Variants in SULT1A1 observed in about 807,000 individuals in gnomAD.
The protein encoded by SULT1A1 is sulfotransferase 1A1.
A neutral mutation model predicts 36.8 loss-of-function variants in SULT1A1; 35 were observed. The observed-to-expected ratio is 0.95, with a 90% CI of 0.73 to 1.26. The LOEUF (loss-of-function observed/expected upper bound fraction) is 1.26, where lower values mean the gene tolerates loss of function less well. Ranked by LOEUF, SULT1A1 falls within the 50% of genes most tolerant of loss-of-function variation. SULT1A1 has a pLI of 0.00. For missense variants in SULT1A1, 309 were observed against 383.0 expected (o/e 0.81, Z 1.61); for synonymous variants, 119 against 146.0 (o/e 0.82, Z 1.33).
chr16:28,617,722 A>C (rs568216079), intron 2 of SULT1A1, among the ~76,000 whole-genome samples: 161 of 151,962 alleles, frequency 1.1e-3, no homozygotes, highest in African/African-American at 3.6e-3. Context: ...TTGTATTTTT[A>C]GTAGTGACGG....
intron 1 of SULT1A1, 92 bp downstream of exon 1, chr16:28,609,839 G>T: frequency 8.5e-7 from 1 of 1,174,420 alleles, no homozygotes; most frequent in Non-Finnish European, 1.1e-6. Context: ...TGGGGAAAGG[G>T]CAGGGATGCC....
intron 2 of SULT1A1, among the ~76,000 whole-genome samples, chr16:28,618,363 T>G (rs1016216441): frequency 4.8e-5 from 7 of 145,022 alleles, no homozygotes; most frequent in African/African-American, 1.8e-4. Flanking sequence ...TTTTTTTTTT[T>G]GAGACAGAGT....
intron 1 of SULT1A1, chr16:28,620,194 A>T: frequency 2.0e-6 from 3 of 1,520,670 alleles, no homozygotes; most frequent in South Asian, 2.3e-5. Flanking sequence ...ATAACAGTTC[A>T]TGTTTAAGTT....
Position 28,605,643 on chromosome 16 carries a change from T to A in SULT1A1, c.*178A>T, listed in dbSNP as rs2047143817. 1 of 991,792 alleles carries A rather than the reference T, an allele frequency of 1.0e-6. No homozygotes were observed. The allele number at this position is 991,792 out of a possible 1,614,324, so 61.4% of individuals were successfully genotyped here. On this transcript the variant is annotated 3_prime_UTR_variant, in exon 8 of 8. Transcript: ENST00000314752. ...TTATTTTTTTAACAGAATCTCACTA[T>A]GTTGCCCAGGTTGGTCTCGAACTCC... is the stretch of plus-strand genomic sequence containing the variant.
intron 1 of SULT1A1, among the ~76,000 whole-genome samples, chr16:28,621,729 G>A (rs1400000436): frequency 6.6e-6 from 1 of 151,946 alleles, no homozygotes; most frequent in African/African-American, 2.4e-5. Flanking sequence ...CTGTTCTCCT[G>A]ACCCACTGAC....
chr16:28,620,345 G>A (rs1756165966), intron 1 of SULT1A1, among the ~76,000 whole-genome samples: 1 of 151,510 alleles, frequency 6.6e-6, no homozygotes, highest in Non-Finnish European at 1.5e-5. Context: ...CAGGCAGATT[G>A]CTTGAGTCCA....
intron 1 of SULT1A1, 179 bp from the exon 2 acceptor site, chr16:28,609,038 G>C (rs564857166): frequency 1.0e-5 from 15 of 1,493,562 alleles, no homozygotes; most frequent in East Asian, 2.4e-5. Context: ...CTAATGCGGT[G>C]GTTCCCCAGC....
chr16:28,608,505 C>T lies in SULT1A1; in HGVS notation c.247G>A (p.Glu83Lys), dbSNP rs769477560. 18 of 1,612,360 alleles carry T rather than the reference C, an allele frequency of 1.1e-5. No homozygotes were observed. The highest frequency in any genetic ancestry group is 3.3e-4 in the Middle Eastern group (2 of 6,072). ...GAGGGAATCCCTGGGGCTTTGAACT[C>T]AAGGAAGGGCACCCGCATGAAGATG... Reference protein sequence around the residue: ...APIFMRVPFLEFKAPGIPSGM... With the variant: ...APIFMRVPFLKFKAPGIPSGM... Residue 83 changes from glutamate to lysine, a missense_variant, in exon 3 of 8, where the codon GAG becomes AAG. Coordinates refer to ENST00000314752, the MANE Select transcript of SULT1A1 (RefSeq NM_001055.4).
intron 2 of SULT1A1, among the ~76,000 whole-genome samples, chr16:28,616,189 C>G (rs538817045): frequency 6.6e-6 from 1 of 152,292 alleles, no homozygotes; most frequent in South Asian, 2.1e-4. Context: ...CTGGTTTTTC[C>G]TAGGCTATGA....
chr16:28,619,893 G>A (rs2047616621), intron 2 of SULT1A1, among the ~76,000 whole-genome samples: 1 of 151,318 alleles, frequency 6.6e-6, no homozygotes, highest in South Asian at 2.1e-4. Flanking sequence ...TATGTACACA[G>A]AAAGTATATA....
chr16:28,609,493 G>A, intron 1 of SULT1A1: 1 of 1,055,836 alleles, frequency 9.5e-7, no homozygotes, highest in South Asian at 1.3e-5. Context: ...CCTAGGCAGG[G>A]TGGCTCCCAC....
At chr16:28,609,733 G>A in intron 1 of SULT1A1, 198 bp downstream of exon 1, 1 of 591,558 alleles carries the variant, frequency 1.7e-6, no homozygotes. Flanking sequence ...CAGCCTGGGT[G>A]ACAGCAAGAC....
At chr16:28,610,520 A>C (rs1313920100), upstream of SULT1A1, 4 of 306,492 alleles carry the variant, frequency 1.3e-5, no homozygotes, top group Non-Finnish European at 2.5e-5. Context: ...CATGCACTCC[A>C]GGCTCTGACC....
intron 1 of SULT1A1, among the ~76,000 whole-genome samples, chr16:28,622,765 G>A (rs960524094): frequency 1.3e-5 from 2 of 152,056 alleles, no homozygotes; most frequent in African/African-American, 2.4e-5. Flanking sequence ...ATTTTCCCGT[G>A]GGCCTTTTTC....
chr16:28,619,158 A>G (rs1288412545), intron 2 of SULT1A1, among the ~76,000 whole-genome samples: 2 of 151,980 alleles, frequency 1.3e-5, no homozygotes, highest in African/African-American at 2.4e-5. Flanking sequence ...GATTACAGAC[A>G]TACACCACCG....
chr16:28,610,498 C>A, upstream of SULT1A1: 1 of 318,260 alleles, frequency 3.1e-6, no homozygotes, highest in South Asian at 2.6e-5. Context: ...AGCCCACAGG[C>A]CCCCAGCAGC....
At chr16:28,620,842 G>A (rs2047637060) in intron 1 of SULT1A1, among the ~76,000 whole-genome samples, 1 of 152,148 alleles carries the variant, frequency 6.6e-6, no homozygotes, top group Admixed American at 6.6e-5. Context: ...TGGGCACGGT[G>A]GCTCATGCCT....
chr16:28,623,144 C>A, exon 1 of SULT1A1: 1 of 1,514,196 alleles, frequency 6.6e-7, no homozygotes, highest in Non-Finnish European at 8.9e-7. Flanking sequence ...CGTAGAAGGC[C>A]GAGACCGCGA....
chr16:28,610,055 T>G, upstream of SULT1A1: 3 of 1,253,038 alleles, frequency 2.4e-6, no homozygotes, highest in Non-Finnish European at 1.0e-6. Flanking sequence ...GGGAGGGATC[T>G]GGAGCCGGGG....
Sources: gnomAD v4.1 joint callset for allele counts (sites outside exome capture counted in the v4.1 genomes callset) on GRCh38, gnomAD v4.1.1 for gene constraint, MANE v1.5 for transcripts, NCBI Gene and HGNC (gene_info 2026-07-23, HGNC 2026-07-21) for gene names.